PASK: variants seen among roughly 807,000 people sequenced by gnomAD.
PASK encodes PAS domain-containing serine/threonine-protein kinase.
PASK carries 110 observed loss-of-function variants against 121.0 expected under a neutral mutation model. That is an observed-to-expected ratio of 0.91 (90% CI 0.78 to 1.06). PASK has a LOEUF of 1.06. Among genes scored for constraint, PASK ranks in the 50% least tolerant of loss-of-function variants. PASK has a pLI of 0.00. For synonymous variants in PASK, 686 were observed against 717.8 expected (o/e 0.96, Z 0.71); for missense variants, 1,643 against 1,702.3 (o/e 0.97, Z 0.61).
rs145684456 is a variant in PASK at position 241,135,878 on chromosome 2, C to G, written c.1299G>C (p.Gly433=). The G allele has an allele frequency of 3.7e-6, 6 of 1,613,874 alleles. No individual in the cohort carries two copies. Among genetic ancestry groups the G allele is most frequent in the Non-Finnish European group, 4.2e-6 (5 of 1,179,886 alleles). ...DPWQGQDPAE[G]GQDPRINVVL... is the part of the protein sequence containing the mutation. ...AGGAAGAGGACGTCTTACCCTGGCC[C>G]CCCTCAGCTGGGTCCTGGCCCTGCC... is the stretch of plus-strand genomic sequence containing the variant. Residue 433 remains glycine, a synonymous_variant, in exon 8 of 18, where the codon GGG becomes GGC. Coordinates refer to ENST00000234040, the MANE Select transcript of PASK (RefSeq NM_015148.4).
chr2:241,111,047 G>T (rs892724462), intron 15 of PASK, among the ~76,000 whole-genome samples: 4 of 152,216 alleles, frequency 2.6e-5, no homozygotes, highest in African/African-American at 9.6e-5. Flanking sequence ...GAGGACTCAG[G>T]GTGTGCAGCC....
At chr2:241,128,006 G>A (rs1286753260) in intron 9 of PASK, among the ~76,000 whole-genome samples, 3 of 152,256 alleles carry the variant, frequency 2.0e-5, no homozygotes, top group South Asian at 2.1e-4. Context: ...GGGGCCGGGC[G>A]TGGTGGCTCA....
rs751215262 is a variant in PASK at position 241,127,384 on chromosome 2, T to C, written c.1531A>G (p.Ile511Val). 7.4e-6 allele frequency: 12 copies of C among 1,613,970 alleles called. No individual in the cohort carries two copies. Among genetic ancestry groups the C allele is most frequent in the Non-Finnish European group, 1.0e-5 (12 of 1,179,938 alleles). The change falls in exon 10 of 18, where the codon ATC becomes GTC. Residue 511 changes from isoleucine (I) to valine (V), a missense_variant. Ile to Val is a conservative substitution (Grantham distance 29, BLOSUM62 3). Around this residue, in one of 3 missense-constraint regions of PASK, gnomAD observed 1,176 missense variants for 1,162.2 expected, o/e 1.01. Transcript: ENST00000234040. ...GGTTCCTCTCTCCCCAAGGCAGTGA[T>C]TTGCTGGTCCTTGGGCAGCGCCTGT... ...GEQALPKDQQ[I>V]TALGREEPVA...
Position 241,143,014 on chromosome 2 carries a change from T to G in PASK, c.19A>C (p.Thr7Pro). 6.2e-7 allele frequency: 1 copy of G among 1,613,886 alleles called. No homozygotes were observed. The highest frequency in any genetic ancestry group is 1.7e-5 in the Admixed American group (1 of 60,022). The change falls in exon 2 of 18, where the codon ACA becomes CCA. Residue 7 changes from threonine to proline, a missense_variant. By Grantham distance (38) the Thr-to-Pro change is conservative. Around this residue, in one of 3 missense-constraint regions of PASK, gnomAD observed 1,176 missense variants for 1,162.2 expected, o/e 1.01. Transcript: ENST00000234040. The stretch of plus-strand genomic sequence containing the variant: ...CATCTCTGGTCCTCTTCAAAGGCTG[T>G]TAAGCCCCCGTCCTCCATGGGAAGA... MEDGGL[T>P]AFEEDQRCLS... is the part of the protein sequence containing the mutation.
At chr2:241,107,813 G>T (rs900403811) in intron 16 of PASK, among the ~76,000 whole-genome samples, 1 of 152,172 alleles carries the variant, frequency 6.6e-6, no homozygotes, top group Non-Finnish European at 1.5e-5. Flanking sequence ...TAACATGACA[G>T]GTGAGGGGAT....
intron 10 of PASK, among the ~76,000 whole-genome samples, chr2:241,125,797 C>T (rs1050336036): frequency 2.0e-5 from 3 of 152,112 alleles, no homozygotes; most frequent in Non-Finnish European, 4.4e-5. Context: ...ACATCCCTCT[C>T]GGCCTGTCTG....
At chr2:241,150,145 TA>T (rs2067217710), upstream of PASK, 1 of 1,266,812 alleles carries the variant, frequency 7.9e-7, no homozygotes, top group Non-Finnish European at 9.9e-7. Context: ...GACAGTGACA[TA>T]AGTCAACTCT....
At position 241,137,882 on chromosome 2, in the gene PASK, G is replaced by C. The variant is rs550169044; in HGVS notation, c.876+71C>G. ...CCTTGCCTTCAGAAACCCTTGGTCT[G>C]CGTCTCCAGTTATGGATTCAGAGCT... is the stretch of plus-strand genomic sequence containing the variant. On this transcript the variant is annotated intron_variant, in intron 6 of 17. Transcript: ENST00000234040. 5.8e-6 allele frequency: 9 copies of C among 1,554,098 alleles called. No individual in the cohort carries two copies. In the Admixed American group the frequency reaches 1.3e-4, roughly 23 times the overall value.
intron 14 of PASK, chr2:241,113,789 G>A (rs1465113432): frequency 2.0e-6 from 2 of 985,360 alleles, no homozygotes; most frequent in African/African-American, 1.7e-5. Context: ...ACCAAGCCAG[G>A]GCTGTTCCCA....
rs2066562353 is a variant in PASK at position 241,138,752 on chromosome 2, C to G, written c.643G>C (p.Val215Leu). The change falls in exon 5 of 18, where the codon GTG becomes CTG. Residue 215 changes from valine (V) to leucine (L), a missense_variant. By Grantham distance (32) the Val-to-Leu change is conservative. Around this residue, in one of 3 missense-constraint regions of PASK, gnomAD observed 1,176 missense variants for 1,162.2 expected, o/e 1.01. Transcript: ENST00000234040. ...SRSGEKIPVS[V>L]WMKRMRQERR... ...TCCTGCCGCATCCTCTTCATCCACA[C>G]AGACACTGGAATCTTCTCCCCACTA... 2 of 1,613,996 alleles carry G rather than the reference C, an allele frequency of 1.2e-6. No individual in the cohort carries two copies. Among genetic ancestry groups the G allele is most frequent in the Admixed American group, 3.3e-5 (2 of 60,018 alleles).
chr2:241,140,171 C>G, intron 3 of PASK, 116 bp from the exon 4 acceptor site: 1 of 834,666 alleles, frequency 1.2e-6, no homozygotes, highest in South Asian at 1.4e-5. Flanking sequence ...GACAGGGTCT[C>G]ACTCTGTTGC....
rs2125396623 is a variant in PASK at position 241,106,271 on chromosome 2, A to C, written c.*295T>G. The C allele has an allele frequency of 2.2e-6, 1 of 451,350 alleles. No individual in the cohort carries two copies. The allele number at this position is 451,350 out of a possible 1,614,324, so 28.0% of individuals were successfully genotyped here. On this transcript the variant is annotated 3_prime_UTR_variant, in exon 18 of 18. Coordinates refer to ENST00000234040, the MANE Select transcript of PASK (RefSeq NM_015148.4). Reference sequence around the variant, plus strand: ...CATGCACATATACAAAAGTAGAAAGAGAAAACACTCATGCCTTCAGAAGTT... The same window carrying C: ...CATGCACATATACAAAAGTAGAAAGCGAAAACACTCATGCCTTCAGAAGTT...
chr2:241,121,920 C>A (rs1014392553), intron 12 of PASK, among the ~76,000 whole-genome samples: 26 of 152,084 alleles, frequency 1.7e-4, no homozygotes, highest in Non-Finnish European at 3.8e-4. Context: ...CAAGCATCAA[C>A]AAATTTAAAG....
chr2:241,115,205 TC>T (rs1340323494), intron 13 of PASK, 28 bp from the exon 14 acceptor site: 2 of 1,614,068 alleles, frequency 1.2e-6, no homozygotes. Context: ...CAAGTCCAAC[TC>T]TACCAAAACA....
chr2:241,140,054 A>T lies in PASK; in HGVS notation c.431T>A (p.Ile144Asn). The change falls in exon 4 of 18, where the codon ATC becomes AAC. Residue 144 changes from isoleucine to asparagine, a missense_variant and splice_region_variant. Transcript: ENST00000234040. The stretch of plus-strand genomic sequence containing the variant: ...GCAAGCTTTGTCGTTAGCAACCAGG[A>T]TCTGAGGAATCACAAAGAGGAGCAA... Reference protein sequence around the residue: ...IFTVDAKTTEILVANDKACGL... With the variant: ...IFTVDAKTTENLVANDKACGL... The T allele has an allele frequency of 6.2e-7, 1 of 1,613,534 alleles. No individual in the cohort carries two copies. The highest frequency in any genetic ancestry group is 8.5e-7 in the Non-Finnish European group (1 of 1,179,604).
intron 12 of PASK, among the ~76,000 whole-genome samples, chr2:241,121,211 C>T (rs2065593228): frequency 6.6e-6 from 1 of 152,202 alleles, no homozygotes; most frequent in Non-Finnish European, 1.5e-5. Context: ...CGACTGACTA[C>T]TGATGGGTAT....
At chr2:241,114,321 A>G (rs1481406942) in intron 14 of PASK, 1 of 985,378 alleles carries the variant, frequency 1.0e-6, no homozygotes, top group Non-Finnish European at 1.2e-6. Context: ...GGAAGCTGTC[A>G]TTAGAAATCG....
chr2:241,139,090 G>A (rs981656440), intron 4 of PASK, among the ~76,000 whole-genome samples: 1 of 152,206 alleles, frequency 6.6e-6, no homozygotes, highest in African/African-American at 2.4e-5. Flanking sequence ...ACCAACACAT[G>A]GTGAATATCT....
At position 241,107,461 on chromosome 2, in the gene PASK, G is replaced by A; in HGVS notation, c.3706C>T (p.Pro1236Ser). The A allele has an allele frequency of 1.2e-6, 2 of 1,614,064 alleles. No individual in the cohort carries two copies. The highest frequency in any genetic ancestry group is 2.2e-5 in the East Asian group (1 of 44,874). ...SLVSGLLQPV[P>S]ERRTTLEKLV... is the part of the protein sequence containing the mutation. Reference sequence around the variant, plus strand: ...TTCTCCAAGGTGGTGCGTCTCTCAGGGACTGGCTGCAGCAGCCCAGACACA... The same window carrying A: ...TTCTCCAAGGTGGTGCGTCTCTCAGAGACTGGCTGCAGCAGCCCAGACACA... Residue 1236 changes from proline to serine, a missense_variant, in exon 17 of 18, where the codon CCT becomes TCT. By Grantham distance (74) the Pro-to-Ser change is moderately conservative. This residue lies in a region of PASK where 453 missense variants were observed against 511.2 expected (regional missense o/e 0.89). Coordinates refer to ENST00000234040, the MANE Select transcript of PASK (RefSeq NM_015148.4).
Sources: allele counts gnomAD v4.1 joint callset (sites outside exome capture counted in the v4.1 genomes callset), GRCh38; gene constraint gnomAD v4.1.1; regional missense constraint gnomAD v4.1.1; transcripts MANE v1.5; gene names NCBI Gene and HGNC (gene_info 2026-07-23, HGNC 2026-07-21).